PACRG: variants seen among roughly 807,000 people sequenced by gnomAD.
PACRG encodes the protein parkin coregulated gene protein.
In PACRG, 29 loss-of-function variants were observed where a neutral mutation model predicts 29.7. That is an observed-to-expected ratio of 0.98 (90% CI 0.73 to 1.33). The LOEUF (loss-of-function observed/expected upper bound fraction) is 1.33. Among genes scored for constraint, PACRG ranks in the 40% most tolerant of loss-of-function variants. The probability of loss-of-function intolerance (pLI) is 0.00; values close to 1 mark genes in which losing one functional copy is unlikely to be tolerated. For synonymous variants in PACRG, 116 were observed against 118.7 expected (o/e 0.98, Z 0.15); for missense variants, 279 against 316.2 (o/e 0.88, Z 0.89).
intron 2 of PACRG, among the ~76,000 whole-genome samples, chr6:162,833,776 A>G (rs1788981890): frequency 6.6e-6 from 1 of 152,176 alleles, no homozygotes; most frequent in Non-Finnish European, 1.5e-5. Flanking sequence ...GACTTTTTTC[A>G]GTATAACAGT....
intron 1 of PACRG, among the ~76,000 whole-genome samples, chr6:162,807,563 G>C (rs968699954): frequency 2.0e-5 from 3 of 152,180 alleles, no homozygotes; most frequent in African/African-American, 7.2e-5. Context: ...TGGTGGAGCA[G>C]TTAGAACACA....
At chr6:162,754,577 C>A (rs1781753498) in intron 1 of PACRG, among the ~76,000 whole-genome samples, 1 of 151,762 alleles carries the variant, frequency 6.6e-6, no homozygotes, top group African/African-American at 2.4e-5. Flanking sequence ...CCAGTGTTTT[C>A]TTCTAGTTGT....
At chr6:162,856,619 A>T (rs1791422014) in intron 2 of PACRG, among the ~76,000 whole-genome samples, 1 of 152,172 alleles carries the variant, frequency 6.6e-6, no homozygotes, top group African/African-American at 2.4e-5. Flanking sequence ...CACAAATGGT[A>T]AAGGTCTTGA....
chr6:162,908,072 T>G (rs577281802), intron 2 of PACRG, among the ~76,000 whole-genome samples: 1 of 152,330 alleles, frequency 6.6e-6, no homozygotes, highest in East Asian at 1.9e-4. Flanking sequence ...GCAATTTGGG[T>G]ATGTAACCAC....
chr6:163,237,134 A>ACGT lies in PACRG; in HGVS notation c.614-77692_614-77690dup, dbSNP rs551478948. ...ATGGTTTGATACAGGCTTTTGAGAT[A>ACGT]CGTAATGTGTAGATATTTCCTTTAA... On this transcript the variant is annotated intron_variant, in intron 4 of 4. Coordinates refer to ENST00000366888, the MANE Select transcript of PACRG (RefSeq NM_001080379.2). Among the ~76,000 whole-genome samples the ACGT allele has an allele frequency of 9.2e-5, 14 of 152,318 alleles. No individual in the cohort carries two copies. The East Asian group carries it at 2.3e-3, about 25-fold the overall frequency.
intron 2 of PACRG, among the ~76,000 whole-genome samples, chr6:162,965,733 G>A (rs889822697): frequency 5.9e-5 from 9 of 152,210 alleles, no homozygotes; most frequent in African/African-American, 2.2e-4. Context: ...TTTAGAAGAT[G>A]GAATTCATGG....
At chr6:163,058,305 G>A (rs1378821950) in intron 2 of PACRG, among the ~76,000 whole-genome samples, 5 of 152,240 alleles carry the variant, frequency 3.3e-5, no homozygotes, top group Admixed American at 6.5e-5. Context: ...ATTGGGCACC[G>A]TAGAATCCAG....
intron 1 of PACRG, among the ~76,000 whole-genome samples, chr6:162,730,798 A>T (rs1401149682): frequency 1.3e-5 from 2 of 152,218 alleles, no homozygotes; most frequent in East Asian, 3.8e-4. Flanking sequence ...GCAATGAAAT[A>T]ATATTCAAAT....
In PACRG at chr6:162,948,457, A is replaced by G. The variant is rs554165811; in HGVS notation, c.292-113693A>G. Among the ~76,000 whole-genome samples, 14 of 152,240 alleles carry G rather than the reference A, an allele frequency of 9.2e-5. No individual in the cohort carries two copies. In the South Asian group the frequency reaches 2.5e-3, roughly 27 times the overall value. ...AAACTAGAAGAAAACAGAAGGGGCA[A>G]TGCTTCAGGAGATTGGTCTAGGAAA... On this transcript the variant is annotated intron_variant, in intron 2 of 4. Transcript: ENST00000366888.
intron 1 of PACRG, among the ~76,000 whole-genome samples, chr6:162,734,685 A>G (rs1291567330): frequency 6.6e-6 from 1 of 152,176 alleles, no homozygotes; most frequent in Non-Finnish European, 1.5e-5. Context: ...AATCTCAAAC[A>G]ATTTACTATT....
chr6:163,179,708 A>G (rs1779559795), intron 4 of PACRG, among the ~76,000 whole-genome samples: 1 of 73,982 alleles, frequency 1.4e-5, no homozygotes, highest in Admixed American at 1.2e-4. Flanking sequence ...GATCTGTCTC[A>G]AAAAAAAAAA....
At chr6:163,247,861 T>C (rs910587184) in intron 4 of PACRG, among the ~76,000 whole-genome samples, 2 of 152,204 alleles carry the variant, frequency 1.3e-5, no homozygotes, top group African/African-American at 4.8e-5. Flanking sequence ...TAAGAAAAAT[T>C]CTTTTCTACT....
intron 1 of PACRG, among the ~76,000 whole-genome samples, chr6:162,732,620 C>A (rs1015074829): frequency 2.6e-5 from 4 of 152,138 alleles, no homozygotes; most frequent in African/African-American, 9.7e-5. Context: ...AATTACAATA[C>A]AAATAAACAG....
chr6:163,016,618 G>A (rs112255038), intron 2 of PACRG, among the ~76,000 whole-genome samples: 8 of 152,096 alleles, frequency 5.3e-5, no homozygotes, highest in South Asian at 2.1e-4. Flanking sequence ...ATATGGGGTC[G>A]AAATGAATCT....
At chr6:163,048,742 G>A (rs577244680) in intron 2 of PACRG, among the ~76,000 whole-genome samples, 1 of 152,196 alleles carries the variant, frequency 6.6e-6, no homozygotes, top group Admixed American at 6.5e-5. Flanking sequence ...TGATCGCTGG[G>A]TGATTTTAAA....
intron 3 of PACRG, among the ~76,000 whole-genome samples, chr6:163,079,410 A>T (rs571783990): frequency 2.0e-5 from 3 of 149,804 alleles, no homozygotes; most frequent in Admixed American, 1.3e-4. Flanking sequence ...ACAGAGTTAA[A>T]AAAAAAAAAA....
At chr6:162,904,794 A>G (rs1795813455) in intron 2 of PACRG, among the ~76,000 whole-genome samples, 1 of 152,188 alleles carries the variant, frequency 6.6e-6, no homozygotes, top group South Asian at 2.1e-4. Context: ...GATAAATGAC[A>G]AGGAAAAAAG....
chr6:162,879,663 G>C (rs932950009), intron 2 of PACRG, among the ~76,000 whole-genome samples: 3 of 152,210 alleles, frequency 2.0e-5, no homozygotes, highest in African/African-American at 7.2e-5. Flanking sequence ...CCTTCAACAA[G>C]TATTTATTGA....
intron 2 of PACRG, among the ~76,000 whole-genome samples, chr6:162,842,436 T>C (rs1789876252): frequency 6.6e-6 from 1 of 151,936 alleles, no homozygotes; most frequent in South Asian, 2.1e-4. Flanking sequence ...TTTTTTTGTT[T>C]TCCATTTGCT....
Sources: allele counts gnomAD v4.1 joint callset (sites outside exome capture counted in the v4.1 genomes callset), GRCh38; gene constraint gnomAD v4.1.1; transcripts MANE v1.5; gene names NCBI Gene and HGNC (gene_info 2026-07-23, HGNC 2026-07-21).